Variants in SGCZ observed in about 807,000 individuals in gnomAD.
The protein encoded by SGCZ is zeta-sarcoglycan.
Under a neutral mutation model 41.3 loss-of-function variants are expected in SGCZ, and 40 were observed. The ratio of observed to expected loss-of-function variants is 0.97; its 90% CI spans 0.75 to 1.26. SGCZ has a LOEUF of 1.26. Among genes scored for constraint, SGCZ ranks in the 50% most tolerant of loss-of-function variants. The probability of loss-of-function intolerance (pLI) is 0.00; values close to 1 mark genes in which losing one functional copy is unlikely to be tolerated. For missense variants in SGCZ, 552 were observed against 369.8 expected (o/e 1.49, Z -4.04); for synonymous variants, 206 against 137.5 (o/e 1.50, Z -3.49).
At chr8:14,398,873 G>A (rs1047793643) in intron 2 of SGCZ, among the ~76,000 whole-genome samples, 1 of 152,140 alleles carries the variant, frequency 6.6e-6, no homozygotes, top group African/African-American at 2.4e-5. Flanking sequence ...AGACATGGCT[G>A]CTGTTTCATT....
Position 14,276,745 on chromosome 8 carries a change from T to C in SGCZ, c.337-39066A>G, listed in dbSNP as rs78396399. Among the ~76,000 whole-genome samples the C allele has an allele frequency of 7.9e-4, 120 of 152,320 alleles. 2 individuals carry two copies. In the East Asian group the frequency reaches 0.017, roughly 22 times the overall value. ...ATGATTTAATTCTACGCCACCACTC[T>C]GCCTTCTGTTTAACTGGGGCAGGAA... On this transcript the variant is annotated intron_variant, in intron 3 of 7. Transcript: ENST00000382080.
chr8:15,107,411 T>C (rs1270563205), intron 1 of SGCZ, among the ~76,000 whole-genome samples: 2 of 152,170 alleles, frequency 1.3e-5, no homozygotes, highest in South Asian at 4.1e-4. Context: ...AATAACCTCC[T>C]TCAGGGTGAG....
intron 1 of SGCZ, among the ~76,000 whole-genome samples, chr8:14,822,752 G>C (rs1228266746): frequency 6.8e-6 from 1 of 147,990 alleles, no homozygotes; most frequent in Non-Finnish European, 1.5e-5. Flanking sequence ...AATTGTGCTG[G>C]AAAAAAAAAA....
chr8:14,088,244 G>C lies in SGCZ; in HGVS notation c.*2199C>G, dbSNP rs1278956762. Reference sequence around the variant, plus strand: ...TATTCAATACTTTTGCTGTGAAGTTGAGTAAACTGAAGCCTGGAGAGATTC... The same window carrying C: ...TATTCAATACTTTTGCTGTGAAGTTCAGTAAACTGAAGCCTGGAGAGATTC... On this transcript the variant is annotated 3_prime_UTR_variant, in exon 8 of 8. Coordinates refer to ENST00000382080, the MANE Select transcript of SGCZ (RefSeq NM_139167.4). 6.6e-6 allele frequency among the ~76,000 whole-genome samples: 1 copy of C among 151,720 alleles called. No individual in the cohort carries two copies. The highest frequency in any genetic ancestry group is 2.4e-5 in the African/African-American group (1 of 41,400).
At chr8:14,813,741 C>A (rs762618803) in intron 1 of SGCZ, among the ~76,000 whole-genome samples, 1 of 152,158 alleles carries the variant, frequency 6.6e-6, no homozygotes, top group Non-Finnish European at 1.5e-5. Context: ...CACCTGAGTT[C>A]AAGAGTTCAA....
At chr8:14,691,699 T>C (rs1273717790) in intron 1 of SGCZ, among the ~76,000 whole-genome samples, 8 of 152,078 alleles carry the variant, frequency 5.3e-5, no homozygotes, top group Non-Finnish European at 1.0e-4. Flanking sequence ...ATGAGTTATG[T>C]TAGTCAGATT....
intron 1 of SGCZ, among the ~76,000 whole-genome samples, chr8:15,169,313 C>G (rs1316419880): frequency 6.6e-6 from 1 of 152,118 alleles, no homozygotes; most frequent in Non-Finnish European, 1.5e-5. Context: ...AACAGCCTGC[C>G]CACTGAGGTG....
At chr8:14,354,910 G>A (rs1803238846) in intron 2 of SGCZ, among the ~76,000 whole-genome samples, 1 of 151,728 alleles carries the variant, frequency 6.6e-6, no homozygotes, top group African/African-American at 2.4e-5. Flanking sequence ...TTTCTCAGAA[G>A]TTGACATAAC....
chr8:15,028,509 C>G (rs1803538695), intron 1 of SGCZ, among the ~76,000 whole-genome samples: 1 of 144,760 alleles, frequency 6.9e-6, no homozygotes, highest in African/African-American at 2.6e-5. Flanking sequence ...ACACTATCGT[C>G]TTTCTAAGTT....
At chr8:14,474,758 A>T (rs950600487) in intron 2 of SGCZ, among the ~76,000 whole-genome samples, 3 of 152,210 alleles carry the variant, frequency 2.0e-5, no homozygotes, top group Non-Finnish European at 4.4e-5. Flanking sequence ...ACTAAAAATC[A>T]ATTACTTGTC....
chr8:14,312,635 AAAGAAG>A (rs1328349518), intron 3 of SGCZ, among the ~76,000 whole-genome samples: 6 of 151,898 alleles, frequency 4.0e-5, no homozygotes, highest in African/African-American at 1.2e-4. Flanking sequence ...GTCTCCACAG[AAAGAAG>A]AAGAAGAGGA....
chr8:14,736,141 C>G (rs896203352), intron 1 of SGCZ, among the ~76,000 whole-genome samples: 2 of 152,042 alleles, frequency 1.3e-5, no homozygotes, highest in African/African-American at 4.8e-5. Context: ...ATCATGCTCC[C>G]TGCTTGAACC....
At chr8:14,093,409 ATGGCCCAAAGGCCCTACCTACAAGATC>A (rs1801748301) in intron 7 of SGCZ, among the ~76,000 whole-genome samples, 2 of 152,118 alleles carry the variant, frequency 1.3e-5, no homozygotes, top group Admixed American at 6.6e-5. Flanking sequence ...ATGTCTTTCC[ATGGCCCAAAGGCCCTACCTACAAGATC>A]TGGCCTATCT....
chr8:14,931,231 G>A (rs372130173), intron 1 of SGCZ, among the ~76,000 whole-genome samples: 12 of 151,482 alleles, frequency 7.9e-5, no homozygotes, highest in African/African-American at 2.9e-4. Context: ...CAGAACTAAG[G>A]GGTAAAAAAA....
At chr8:14,968,314 C>T (rs1011693673) in intron 1 of SGCZ, among the ~76,000 whole-genome samples, 1 of 152,086 alleles carries the variant, frequency 6.6e-6, no homozygotes, top group Non-Finnish European at 1.5e-5. Flanking sequence ...AACAGACCCT[C>T]TGGGAACATC....
At chr8:14,534,821 T>C (rs914404856) in intron 2 of SGCZ, among the ~76,000 whole-genome samples, 20 of 152,002 alleles carry the variant, frequency 1.3e-4, no homozygotes, top group African/African-American at 3.6e-4. Context: ...ACTACTAATA[T>C]TGTGATTTTT....
intron 1 of SGCZ, among the ~76,000 whole-genome samples, chr8:14,784,955 T>TTA (rs3069678): frequency 3.8e-5 from 5 of 131,968 alleles, no homozygotes; most frequent in African/African-American, 1.4e-4. Flanking sequence ...ATTTTTTATA[T>TTA]TATATATATA....
chr8:14,272,943 T>C (rs1198328636), intron 3 of SGCZ, among the ~76,000 whole-genome samples: 1 of 152,136 alleles, frequency 6.6e-6, no homozygotes, highest in Non-Finnish European at 1.5e-5. Context: ...TTTCAGTTTC[T>C]ATGTAAACTC....
intron 1 of SGCZ, among the ~76,000 whole-genome samples, chr8:15,108,179 G>T (rs2131094229): frequency 2.0e-5 from 3 of 152,062 alleles, no homozygotes; most frequent in Admixed American, 2.0e-4. Flanking sequence ...TAATTTTGCT[G>T]CTCTTTTAAT....
Sources: allele counts gnomAD v4.1 joint callset (sites outside exome capture counted in the v4.1 genomes callset), GRCh38; gene constraint gnomAD v4.1.1; transcripts MANE v1.5; gene names NCBI Gene and HGNC (gene_info 2026-07-23, HGNC 2026-07-21).